Variants in SLC30A9 observed in about 807,000 individuals in gnomAD.
SLC30A9 encodes proton-coupled zinc antiporter SLC30A9, mitochondrial.
A neutral mutation model predicts 87.5 loss-of-function variants in SLC30A9; 58 were observed. The ratio of observed to expected loss-of-function variants is 0.66; its 90% CI spans 0.54 to 0.82. SLC30A9 has a LOEUF of 0.82. Among genes scored for constraint, SLC30A9 ranks in the 40% least tolerant of loss-of-function variants. The probability of loss-of-function intolerance (pLI) is 0.00; values close to 1 mark genes in which losing one functional copy is unlikely to be tolerated. For synonymous variants in SLC30A9, 234 were observed against 233.0 expected, an observed-to-expected ratio of 1.00 and a Z score of -0.04; for missense variants, 557 against 679.1, an observed-to-expected ratio of 0.82 and a Z score of 2.00.
chr4:42,032,539 A>T (rs4861013), intron 6 of SLC30A9, among the ~76,000 whole-genome samples: 1 of 151,962 alleles, frequency 6.6e-6, no homozygotes, highest in Non-Finnish European at 1.5e-5. Flanking sequence ...CAAAATTTCA[A>T]AGTGGAAATT....
At chr4:42,062,614 A>C (rs1717902080) in intron 10 of SLC30A9, among the ~76,000 whole-genome samples, 1 of 152,220 alleles carries the variant, frequency 6.6e-6, no homozygotes, top group Admixed American at 6.5e-5. Context: ...ATATTCAATT[A>C]GAAGCTGCAT....
Position 42,088,992 on chromosome 4 carries a change from G to A in SLC30A9, c.*2866G>A, listed in dbSNP as rs1002345552. 2.7e-5 allele frequency: 4 copies of A among 147,236 alleles called. No homozygotes were observed. Among genetic ancestry groups the A allele is most frequent in the African/African-American group, 9.8e-5 (4 of 40,900 alleles). The allele number at this position is 147,236 out of a possible 1,614,324, so 9.1% of individuals were successfully genotyped here. On this transcript the variant is annotated 3_prime_UTR_variant, in exon 18 of 18. Coordinates refer to ENST00000264451, the MANE Select transcript of SLC30A9 (RefSeq NM_006345.4). Reference sequence around the variant, plus strand: ...AAATAAGGCTATATTTAGTTTTTCAGGTTTCTTGTTATTTTACCAAATTAA... The same window carrying A: ...AAATAAGGCTATATTTAGTTTTTCAAGTTTCTTGTTATTTTACCAAATTAA...
intron 2 of SLC30A9, among the ~76,000 whole-genome samples, chr4:42,007,522 C>G (rs1715261527): frequency 6.6e-6 from 1 of 152,120 alleles, no homozygotes; most frequent in African/African-American, 2.4e-5. Context: ...GAGGCCGAGG[C>G]AGGCTGATCA....
intron 9 of SLC30A9, among the ~76,000 whole-genome samples, chr4:42,059,898 C>T (rs1049643398): frequency 6.6e-6 from 1 of 151,992 alleles, no homozygotes; most frequent in Non-Finnish European, 1.5e-5. Flanking sequence ...TTTTTTTAAC[C>T]TACTGTAGAA....
chr4:42,060,200 G>A lies in SLC30A9; in HGVS notation c.850G>A (p.Ala284Thr), dbSNP rs1240699104. 2 of 1,611,104 alleles carry A rather than the reference G, an allele frequency of 1.2e-6. No individual in the cohort carries two copies. Among genetic ancestry groups the A allele is most frequent in the African/African-American group, 2.7e-5 (2 of 74,934 alleles). ...LSDTCNQGLLALGISKSVQTP... is the reference protein window; with the variant it reads ...LSDTCNQGLLTLGISKSVQTP... The stretch of plus-strand genomic sequence containing the variant: ...TTCTTCTTCTTCATAGGGTTTACTA[G>A]CATTGGGCATCAGTAAGTCTGTTCA... Residue 284 changes from alanine to threonine, a missense_variant, in exon 10 of 18, where the codon GCA becomes ACA. Around this residue, in one of 2 missense-constraint regions of SLC30A9, gnomAD observed 467 missense variants for 529.8 expected, o/e 0.88. Coordinates refer to ENST00000264451, the MANE Select transcript of SLC30A9 (RefSeq NM_006345.4).
rs146773413 is a variant in SLC30A9 at position 42,038,827 on chromosome 4, A to G, written c.670-159A>G. 1.0e-3 allele frequency among the ~76,000 whole-genome samples: 156 copies of G among 152,378 alleles called. 1 individual carries two copies. Among genetic ancestry groups the G allele is most frequent in the African/African-American group, 3.6e-3 (151 of 41,596 alleles). On this transcript the variant is annotated intron_variant, in intron 7 of 17. Transcript: ENST00000264451. ...AGACCCAGATATGCTTTCGGTTTTA[A>G]TCTTTCCACTTTCTAAACAAGAACT...
intron 10 of SLC30A9, among the ~76,000 whole-genome samples, chr4:42,061,922 C>T (rs1717870348): frequency 1.3e-5 from 2 of 149,636 alleles, no homozygotes; most frequent in African/African-American, 2.5e-5. Flanking sequence ...ATGTCGGGCG[C>T]GGTGGCCCAC....
chr4:42,003,995 A>T (rs1194518899), intron 2 of SLC30A9, among the ~76,000 whole-genome samples: 1 of 152,170 alleles, frequency 6.6e-6, no homozygotes, highest in African/African-American at 2.4e-5. Context: ...GCTATAAAGT[A>T]TGCATTGTTG....
At chr4:42,040,912 G>T (rs575059082) in intron 8 of SLC30A9, among the ~76,000 whole-genome samples, 13 of 151,882 alleles carry the variant, frequency 8.6e-5, no homozygotes, top group Non-Finnish European at 1.8e-4. Context: ...CCATTTTCAC[G>T]CTGCTGATAA....
intron 4 of SLC30A9, 30 bp downstream of exon 4, chr4:42,020,545 T>C (rs1715907199): frequency 8.3e-7 from 1 of 1,200,324 alleles, no homozygotes; most frequent in Non-Finnish European, 1.2e-6. Context: ...TAGCCGTGTG[T>C]CATATCTAAA....
In SLC30A9 at chr4:42,001,609, C is replaced by T. The variant is rs1448847368; in HGVS notation, c.110-7C>T. Reference sequence around the variant, plus strand: ...TGAAATTAAAGTATATATATTTTTTCTTTTAGAGTGGCAGAATTTAGTGAC... The same window carrying T: ...TGAAATTAAAGTATATATATTTTTTTTTTTAGAGTGGCAGAATTTAGTGAC... On this transcript the variant is annotated splice_polypyrimidine_tract_variant and splice_region_variant and intron_variant, in intron 1 of 17. Transcript: ENST00000264451. 1.9e-6 allele frequency: 3 copies of T among 1,557,738 alleles called. No individual in the cohort carries two copies. The highest frequency in any genetic ancestry group is 2.3e-5 in the South Asian group (2 of 85,932).
At chr4:42,039,427 G>A (rs924715998) in intron 8 of SLC30A9, among the ~76,000 whole-genome samples, 1 of 151,120 alleles carries the variant, frequency 6.6e-6, no homozygotes, top group African/African-American at 2.4e-5. Context: ...ACTTATCTTG[G>A]AAGAACATAA....
At chr4:42,014,689 A>G (rs984836009) in intron 2 of SLC30A9, among the ~76,000 whole-genome samples, 1 of 152,226 alleles carries the variant, frequency 6.6e-6, no homozygotes, top group African/African-American at 2.4e-5. Flanking sequence ...TAAAGAAGAT[A>G]TGGTCTATAT....
At chr4:42,024,145 G>T (rs1002078149) in intron 6 of SLC30A9, among the ~76,000 whole-genome samples, 2 of 152,118 alleles carry the variant, frequency 1.3e-5, no homozygotes, top group African/African-American at 4.8e-5. Context: ...TCCAATACCC[G>T]CTATGAACAA....
At chr4:42,060,844 A>G (rs1717818889) in intron 10 of SLC30A9, among the ~76,000 whole-genome samples, 1 of 152,160 alleles carries the variant, frequency 6.6e-6, no homozygotes, top group Non-Finnish European at 1.5e-5. Flanking sequence ...ATATAATTTG[A>G]TAAATCTTAA....
chr4:42,055,137 A>G (rs1020715517), intron 9 of SLC30A9, among the ~76,000 whole-genome samples: 1 of 152,118 alleles, frequency 6.6e-6, no homozygotes, highest in Non-Finnish European at 1.5e-5. Context: ...CAGCCTGACC[A>G]ACATGGCAAA....
intron 8 of SLC30A9, among the ~76,000 whole-genome samples, chr4:42,039,960 A>G (rs1716852822): frequency 6.6e-6 from 1 of 152,198 alleles, no homozygotes; most frequent in South Asian, 2.1e-4. Flanking sequence ...ATAATTCTTT[A>G]AGGATTGGAG....
chr4:42,047,170 G>A (rs541433760), intron 8 of SLC30A9, among the ~76,000 whole-genome samples: 61 of 152,312 alleles, frequency 4.0e-4, no homozygotes, highest in African/African-American at 1.4e-3. Flanking sequence ...ATAGGCATGG[G>A]CAAAGACTTC....
intron 6 of SLC30A9, among the ~76,000 whole-genome samples, chr4:42,026,470 G>A (rs777619827): frequency 6.6e-6 from 1 of 152,252 alleles, no homozygotes; most frequent in East Asian, 1.9e-4. Flanking sequence ...TGATAATCAG[G>A]CTGACTTTAT....
Sources: allele counts gnomAD v4.1 joint callset (sites outside exome capture counted in the v4.1 genomes callset), GRCh38; gene constraint gnomAD v4.1.1; regional missense constraint gnomAD v4.1.1; transcripts MANE v1.5; gene names NCBI Gene and HGNC (gene_info 2026-07-23, HGNC 2026-07-21).